The following CORIN variants were observed in gnomAD, a reference collection of about 807,000 sequenced individuals.
CORIN encodes corin, serine peptidase, also known as atrial natriuretic peptide-converting enzyme.
Under a neutral mutation model 125.3 loss-of-function variants are expected in CORIN, and 117 were observed. That is an observed-to-expected ratio of 0.93 (90% CI 0.80 to 1.09). The LOEUF is 1.09. Among genes scored for constraint, CORIN ranks in the 50% least tolerant of loss-of-function variants. The probability of loss-of-function intolerance (pLI) is 0.00; values close to 1 mark genes in which losing one functional copy is unlikely to be tolerated. For missense variants in CORIN, 1,253 were observed against 1,306.7 expected (o/e 0.96, Z 0.63); for synonymous variants, 450 against 466.4 (o/e 0.96, Z 0.45).
intron 5 of CORIN, among the ~76,000 whole-genome samples, chr4:47,736,067 G>A (rs1450421400): frequency 6.6e-6 from 1 of 150,990 alleles, no homozygotes; most frequent in Non-Finnish European, 1.5e-5. Context: ...TTTTCTCTAT[G>A]AATTCTTAAA....
At chr4:47,687,579 ATTG>A (rs755090846) in intron 6 of CORIN, among the ~76,000 whole-genome samples, 4 of 152,178 alleles carry the variant, frequency 2.6e-5, no homozygotes, top group Non-Finnish European at 2.9e-5. Context: ...TCTCAAAATT[ATTG>A]TTAAATTAGA....
chr4:47,764,809 T>G (rs1051138229), intron 3 of CORIN, among the ~76,000 whole-genome samples: 4 of 152,202 alleles, frequency 2.6e-5, no homozygotes, highest in Non-Finnish European at 5.9e-5. Flanking sequence ...TCTGTATGTA[T>G]AGTAATATGT....
At chr4:47,664,132 C>T (rs1437327723) in intron 11 of CORIN, among the ~76,000 whole-genome samples, 1 of 152,160 alleles carries the variant, frequency 6.6e-6, no homozygotes. Context: ...TGTATACCTA[C>T]CCCTTGAGGG....
At chr4:47,776,331 A>G (rs1373621914) in intron 3 of CORIN, among the ~76,000 whole-genome samples, 70 of 140,510 alleles carry the variant, frequency 5.0e-4, no homozygotes, top group East Asian at 1.6e-3. Context: ...TGTTGCCCAG[A>G]CTGGAGTGCA....
At chr4:47,616,170 G>A (rs1221515996) in intron 19 of CORIN, among the ~76,000 whole-genome samples, 1 of 151,934 alleles carries the variant, frequency 6.6e-6, no homozygotes, top group Non-Finnish European at 1.5e-5. Context: ...GGTGGGTGGT[G>A]GTGATTGGGT....
chr4:47,752,292 C>A (rs549349971), intron 4 of CORIN, among the ~76,000 whole-genome samples: 1 of 152,146 alleles, frequency 6.6e-6, no homozygotes, highest in Non-Finnish European at 1.5e-5. Flanking sequence ...TATCTCTCAC[C>A]GGCATAACAT....
At chr4:47,819,235 T>C (rs923392533) in intron 1 of CORIN, among the ~76,000 whole-genome samples, 1 of 152,132 alleles carries the variant, frequency 6.6e-6, no homozygotes, top group South Asian at 2.1e-4. Context: ...AGACAAGATT[T>C]ACTTGAACAT....
chr4:47,813,693 A>G (rs571259747), intron 1 of CORIN, among the ~76,000 whole-genome samples: 2 of 152,344 alleles, frequency 1.3e-5, no homozygotes, highest in South Asian at 4.1e-4. Flanking sequence ...ATTAAATACC[A>G]AAATTATTCT....
In CORIN at chr4:47,688,610, A is replaced by T. The variant is rs112090494; in HGVS notation, c.913+4360T>A. On this transcript the variant is annotated intron_variant, in intron 6 of 21. Transcript: ENST00000273857. ...GAGTGAGACTCCATCTCAAAAAAAAATTTTAAAAAACATATTTAATAGTTT... is the reference window on the plus strand; with the variant it reads ...GAGTGAGACTCCATCTCAAAAAAAATTTTTAAAAAACATATTTAATAGTTT... Among the ~76,000 whole-genome samples the T allele has an allele frequency of 4.3e-3, 649 of 152,274 alleles. 8 individuals carry two copies. The highest frequency in any genetic ancestry group is 0.015 in the African/African-American group (611 of 41,542).
intron 21 of CORIN, among the ~76,000 whole-genome samples, chr4:47,597,857 T>A (rs182450839): frequency 8.5e-5 from 13 of 152,260 alleles, no homozygotes; most frequent in African/African-American, 2.6e-4. Context: ...ACTGTTTTTG[T>A]CCCAGAACAG....
chr4:47,786,843 A>G lies in CORIN; in HGVS notation c.291T>C (p.Ile97=). ...TCTGGTTATAAATTGTATTTGTAAG[A>G]ATAACATCGGACCCTTGGATTTCAC... ...TDGEIQGSDV[I]LTNTIYNQST... The change falls in exon 3 of 22, where the codon ATT becomes ATC. Residue 97 remains isoleucine (I), a synonymous_variant. Coordinates refer to ENST00000273857, the MANE Select transcript of CORIN (RefSeq NM_006587.4). 1 of 1,613,832 alleles carries G rather than the reference A, an allele frequency of 6.2e-7. No individual in the cohort carries two copies. Among genetic ancestry groups the G allele is most frequent in the Non-Finnish European group, 8.5e-7 (1 of 1,179,674 alleles).
intron 20 of CORIN, among the ~76,000 whole-genome samples, chr4:47,602,493 A>G (rs1279278941): frequency 1.3e-5 from 2 of 152,212 alleles, no homozygotes; most frequent in Non-Finnish European, 1.5e-5. Flanking sequence ...TTTGTACTAC[A>G]GATGTTGATA....
intron 19 of CORIN, among the ~76,000 whole-genome samples, chr4:47,619,327 C>T (rs1211242641): frequency 6.6e-6 from 1 of 152,154 alleles, no homozygotes; most frequent in Non-Finnish European, 1.5e-5. Context: ...TGAGGATACC[C>T]ACCAATGGGT....
chr4:47,684,718 C>T (rs749842336), intron 6 of CORIN, among the ~76,000 whole-genome samples: 38 of 152,028 alleles, frequency 2.5e-4, no homozygotes, highest in Non-Finnish European at 5.1e-4. Context: ...ATAATATTTG[C>T]AAATTATATG....
intron 10 of CORIN, among the ~76,000 whole-genome samples, chr4:47,666,525 A>G (rs1180338418): frequency 1.3e-5 from 2 of 152,210 alleles, no homozygotes; most frequent in Non-Finnish European, 2.9e-5. Context: ...TAGAGTTTGC[A>G]TGAACTGAAC....
At chr4:47,754,302 A>G (rs539056970) in intron 4 of CORIN, among the ~76,000 whole-genome samples, 16 of 152,252 alleles carry the variant, frequency 1.1e-4, no homozygotes, top group African/African-American at 3.9e-4. Context: ...GATGTTGAAA[A>G]GGGAACTTTG....
At chr4:47,711,808 A>G (rs1726850416) in intron 5 of CORIN, among the ~76,000 whole-genome samples, 1 of 152,174 alleles carries the variant, frequency 6.6e-6, no homozygotes, top group African/African-American at 2.4e-5. Flanking sequence ...GTATGAGAGT[A>G]AGGTCCCTGG....
chr4:47,626,575 G>C, intron 16 of CORIN, 54 bp from the exon 17 acceptor site: 1 of 1,069,348 alleles, frequency 9.4e-7, no homozygotes, highest in South Asian at 1.2e-5. Context: ...TCTTTGAACA[G>C]GCATTATCAT....
At chr4:47,802,337 T>G (rs1731580879) in intron 2 of CORIN, among the ~76,000 whole-genome samples, 1 of 152,144 alleles carries the variant, frequency 6.6e-6, no homozygotes, top group Admixed American at 6.5e-5. Context: ...CCTAGGCTCT[T>G]GGTTAGCATT....
Sources: allele counts gnomAD v4.1 joint callset (sites outside exome capture counted in the v4.1 genomes callset), GRCh38; gene constraint gnomAD v4.1.1; transcripts MANE v1.5; gene names NCBI Gene and HGNC (gene_info 2026-07-23, HGNC 2026-07-21).